Variants in GTF2H5 observed in about 807,000 individuals in gnomAD.
GTF2H5 encodes general transcription factor IIH subunit 5, also known as TFB5 ortholog.
A neutral mutation model predicts 7.1 loss-of-function variants in GTF2H5; 5 were observed. The ratio of observed to expected loss-of-function variants is 0.71; its 90% CI spans 0.37 to 1.49. The LOEUF (loss-of-function observed/expected upper bound fraction) is 1.49. GTF2H5 is among the 40% of genes most tolerant of loss of function. The pLI is 0.03. For synonymous variants in GTF2H5, 30 were observed against 31.7 expected (o/e 0.95, Z 0.18); for missense variants, 80 against 83.0 (o/e 0.96, Z 0.14).
chr6:158,175,646 C>G (rs536316207), intron 2 of GTF2H5, among the ~76,000 whole-genome samples: 1 of 152,228 alleles, frequency 6.6e-6, no homozygotes, highest in African/African-American at 2.4e-5. Context: ...CGCCTGTAAT[C>G]CCAGCTACTG....
chr6:158,188,678 A>G (rs1776972314), intron 2 of GTF2H5, among the ~76,000 whole-genome samples: 1 of 152,212 alleles, frequency 6.6e-6, no homozygotes, highest in Non-Finnish European at 1.5e-5. Flanking sequence ...ATTGCTGAAA[A>G]TGTGAAGTTT....
intron 2 of GTF2H5, among the ~76,000 whole-genome samples, chr6:158,188,371 G>C (rs1776963535): frequency 6.6e-6 from 1 of 152,130 alleles, no homozygotes; most frequent in Non-Finnish European, 1.5e-5. Flanking sequence ...TTTTTAAAGA[G>C]TCTGAGTAGA....
chr6:158,172,424 A>G (rs1785871060), intron 2 of GTF2H5, among the ~76,000 whole-genome samples: 1 of 151,690 alleles, frequency 6.6e-6, no homozygotes, highest in African/African-American at 2.4e-5. Flanking sequence ...CTGCCCGAGT[A>G]GCTGGGATTA....
intron 2 of GTF2H5, among the ~76,000 whole-genome samples, chr6:158,186,171 A>G (rs1210104458): frequency 2.0e-5 from 3 of 152,258 alleles, no homozygotes; most frequent in Admixed American, 6.5e-5. Context: ...AGAGATGGCT[A>G]AAATAGCAAG....
intron 2 of GTF2H5, among the ~76,000 whole-genome samples, chr6:158,186,810 C>T (rs1196382342): frequency 3.9e-5 from 6 of 152,116 alleles, no homozygotes; most frequent in South Asian, 2.1e-4. Flanking sequence ...TAGGTAGATT[C>T]AAAGATTTTC....
chr6:158,175,986 T>G (rs1243183053), intron 2 of GTF2H5, among the ~76,000 whole-genome samples: 1 of 152,226 alleles, frequency 6.6e-6, no homozygotes, highest in African/African-American at 2.4e-5. Flanking sequence ...CCATGTGACA[T>G]GTGCTATACT....
At chr6:158,180,724 A>G (rs551397627) in intron 2 of GTF2H5, among the ~76,000 whole-genome samples, 112 of 151,634 alleles carry the variant, frequency 7.4e-4, no homozygotes, top group African/African-American at 2.6e-3. Flanking sequence ...CCCCTTTATC[A>G]TTTTTTATTG....
intron 2 of GTF2H5, among the ~76,000 whole-genome samples, chr6:158,184,244 A>G (rs1318682892): frequency 2.1e-5 from 3 of 146,052 alleles, no homozygotes; most frequent in South Asian, 4.3e-4. Context: ...CAAGAAAAGG[A>G]AAAAAAAAAG....
chr6:158,169,159 G>A (rs1297132220), intron 1 of GTF2H5, among the ~76,000 whole-genome samples: 2 of 148,718 alleles, frequency 1.3e-5, no homozygotes, highest in African/African-American at 2.5e-5. Context: ...GCTTGAGCCC[G>A]GGAGGCAGAG....
intron 1 of GTF2H5, among the ~76,000 whole-genome samples, chr6:158,169,315 G>C (rs1485294519): frequency 8.9e-6 from 1 of 112,288 alleles, no homozygotes; most frequent in African/African-American, 3.5e-5. Context: ...TATATAATAT[G>C]TATATTATGT....
At chr6:158,189,927 T>C (rs2128431854) in intron 2 of GTF2H5, among the ~76,000 whole-genome samples, 1 of 152,296 alleles carries the variant, frequency 6.6e-6, no homozygotes, top group East Asian at 1.9e-4. Flanking sequence ...ACAGAATTGA[T>C]CACTCCCACT....
In GTF2H5 at chr6:158,192,076, A is replaced by G. The variant is rs115779583; in HGVS notation, c.135A>G (p.Val45=). The G allele has an allele frequency of 2.5e-6, 4 of 1,613,792 alleles. No individual in the cohort carries two copies. Among genetic ancestry groups the G allele is most frequent in the Non-Finnish European group, 3.4e-6 (4 of 1,179,700 alleles). The change falls in exon 3 of 3, where the codon GTA becomes GTG. Residue 45 remains valine, a synonymous_variant. Transcript: ENST00000607778. ...IQDIDDTHVF[V]IAELVNVLQE... ...ACATTGATGACACTCACGTCTTTGT[A>G]ATAGCAGAATTGGTTAATGTCCTCC...
chr6:158,176,180 C>T (rs772670769), intron 2 of GTF2H5, among the ~76,000 whole-genome samples: 34 of 152,130 alleles, frequency 2.2e-4, no homozygotes, highest in Non-Finnish European at 3.5e-4. Context: ...GGCTACTAAA[C>T]GTTACATATA....
At chr6:158,179,684 T>A (rs140974116) in intron 2 of GTF2H5, among the ~76,000 whole-genome samples, 2,718 of 152,320 alleles carry the variant, frequency 0.018, 80 homozygotes, top group African/African-American at 0.062. Context: ...TTTTGCACAT[T>A]GATTTTGTAT....
Position 158,169,667 on chromosome 6 carries a change from GTATATTATATAATATATAATA to G in GTF2H5, c.-34-785_-34-765del, listed in dbSNP as rs1562469043. ...TATTGTATATTACATATAATATATTGTATATTATATAATATATAATATATATTATATAATATATTGTATATT... is the reference window on the plus strand; with the variant it reads ...TATTGTATATTACATATAATATATTGTATATTATATAATATATTGTATATT... On this transcript the variant is annotated intron_variant, in intron 1 of 2. Transcript: ENST00000607778. Among the ~76,000 whole-genome samples, 123 of 51,134 alleles carry G rather than the reference GTATATTATATAATATATAATA, an allele frequency of 2.4e-3. 14 individuals carry two copies. The highest frequency in any genetic ancestry group is 8.3e-3 in the African/African-American group (98 of 11,760). The allele number at this position is 51,134 out of a possible 152,430, so 33.5% of individuals were successfully genotyped here.
In GTF2H5 at chr6:158,169,746, TATATAATATATTGTATATTATATATA is replaced by T. The variant is rs773957609; in HGVS notation, c.-34-718_-34-693del. 2.4e-3 allele frequency among the ~76,000 whole-genome samples: 84 copies of T among 34,640 alleles called. 5 individuals carry two copies. The highest frequency in any genetic ancestry group is 5.9e-3 in the African/African-American group (27 of 4,564). 22.7% of individuals were successfully genotyped at this position (34,640 alleles called of 152,430 possible). A position where few individuals can be genotyped will look rare whatever the true frequency, so the allele number is the denominator to read the frequency against. ...ATATAATATATTGTATATTATATATTATATAATATATTGTATATTATATATAATATATTGTATATTATATATTATAT... is the reference window on the plus strand; with the variant it reads ...ATATAATATATTGTATATTATATATTATATATTGTATATTATATATTATAT... On this transcript the variant is annotated intron_variant, in intron 1 of 2. Coordinates refer to ENST00000607778, the MANE Select transcript of GTF2H5 (RefSeq NM_207118.3).
chr6:158,185,726 G>A (rs1583635858), intron 2 of GTF2H5, among the ~76,000 whole-genome samples: 2 of 152,042 alleles, frequency 1.3e-5, no homozygotes, highest in Admixed American at 1.3e-4. Context: ...TAGAAAAATA[G>A]GCCAGGCTCA....
chr6:158,185,398 G>T (rs1776902447), intron 2 of GTF2H5, among the ~76,000 whole-genome samples: 1 of 151,994 alleles, frequency 6.6e-6, no homozygotes, highest in Admixed American at 6.6e-5. Flanking sequence ...AAATTAGCCA[G>T]GCATGGTGGC....
rs1333077828 is a variant in GTF2H5, at chr6:158,169,764, TTATA to T, written c.-34-701_-34-698del. Among the ~76,000 whole-genome samples the T allele has an allele frequency of 2.1e-5, 2 of 96,966 alleles. 1 individual carries two copies. Among genetic ancestry groups the T allele is most frequent in the Non-Finnish European group, 4.0e-5 (2 of 50,286 alleles). The allele number at this position is 96,966 out of a possible 152,430, so 63.6% of individuals were successfully genotyped here. On this transcript the variant is annotated intron_variant, in intron 1 of 2. Coordinates refer to ENST00000607778, the MANE Select transcript of GTF2H5 (RefSeq NM_207118.3). ...TATATATTATATAATATATTGTATA[TTATA>T]TATAATATATTGTATATTATATATT...
Sources: allele counts gnomAD v4.1 joint callset (sites outside exome capture counted in the v4.1 genomes callset), GRCh38; gene constraint gnomAD v4.1.1; transcripts MANE v1.5; gene names NCBI Gene and HGNC (gene_info 2026-07-23, HGNC 2026-07-21).